The following CFAP70 variants were observed in gnomAD, a reference collection of about 807,000 sequenced individuals.
CFAP70 encodes the protein cilia- and flagella-associated protein 70.
Under a neutral mutation model 137.6 loss-of-function variants are expected in CFAP70, and 81 were observed. The observed-to-expected ratio is 0.59, with a 90% CI of 0.49 to 0.71. CFAP70 has a LOEUF of 0.71. Ranked by LOEUF, CFAP70 falls within the 30% of genes least tolerant of loss-of-function variation. The probability of loss-of-function intolerance (pLI) is 0.00; values close to 1 mark genes in which losing one functional copy is unlikely to be tolerated. For missense variants in CFAP70, 976 were observed against 1,226.7 expected (o/e 0.80, Z 3.05); for synonymous variants, 382 against 423.6 (o/e 0.90, Z 1.20).
At chr10:73,358,043 A>C (rs1217924553) in intron 1 of CFAP70, among the ~76,000 whole-genome samples, 1 of 152,238 alleles carries the variant, frequency 6.6e-6, no homozygotes, top group Non-Finnish European at 1.5e-5. Context: ...CCTTCTGTAA[A>C]ATGGATAACT....
chr10:73,283,890 A>G (rs2047448519), intron 19 of CFAP70, among the ~76,000 whole-genome samples: 1 of 152,178 alleles, frequency 6.6e-6, no homozygotes, highest in Non-Finnish European at 1.5e-5. Flanking sequence ...GTTCCTGTAC[A>G]CAACATATAG....
chr10:73,264,326 C>CT (rs767133957), intron 25 of CFAP70, among the ~76,000 whole-genome samples: 3 of 152,176 alleles, frequency 2.0e-5, no homozygotes, highest in Non-Finnish European at 2.9e-5. Context: ...CTTATGCCCC[C>CT]TGCCACCACT....
intron 19 of CFAP70, among the ~76,000 whole-genome samples, chr10:73,289,861 C>T (rs548047273): frequency 1.3e-5 from 2 of 152,006 alleles, no homozygotes; most frequent in South Asian, 4.2e-4. Flanking sequence ...GCCTGGGCAA[C>T]ATGGTGAAAC....
At chr10:73,304,343 T>C (rs1245855860) in intron 12 of CFAP70, among the ~76,000 whole-genome samples, 2 of 152,204 alleles carry the variant, frequency 1.3e-5, no homozygotes, top group Non-Finnish European at 2.9e-5. Context: ...CGTGAGCCAC[T>C]GCACCCGGCC....
chr10:73,289,506 G>A (rs1024191171), intron 19 of CFAP70, among the ~76,000 whole-genome samples: 2 of 151,696 alleles, frequency 1.3e-5, no homozygotes, highest in Non-Finnish European at 1.5e-5. Context: ...GGATGGTCTC[G>A]ATCTCCTGAC....
chr10:73,274,565 A>C, exon 23 of CFAP70: 1 of 1,614,100 alleles, frequency 6.2e-7, no homozygotes, highest in Non-Finnish European at 8.5e-7. Context: ...GAAAATAGAG[A>C]TGGCCCTTCA....
chr10:73,311,684 A>G, intron 11 of CFAP70, 150 bp downstream of exon 12: 1 of 700,696 alleles, frequency 1.4e-6, no homozygotes, highest in Non-Finnish European at 2.5e-6. Context: ...AACAAGACAA[A>G]GAAATTTGCC....
intron 8 of CFAP70, among the ~76,000 whole-genome samples, chr10:73,328,178 A>G (rs990031018): frequency 2.6e-5 from 4 of 152,184 alleles, no homozygotes; most frequent in African/African-American, 9.7e-5. Flanking sequence ...CCTGAGAAAT[A>G]ACACCGCATA....
At position 73,291,875 on chromosome 10, in the gene CFAP70, C is replaced by G; in HGVS notation, c.1904+6G>C. On this transcript the variant is annotated splice_donor_region_variant and intron_variant, in intron 17 of 26. Transcript: ENST00000310715. ...CACTGATTCCTCATCTCCCTTCCACCTATACCTGTGGATATGACTCTGGTT... is the reference window on the plus strand; with the variant it reads ...CACTGATTCCTCATCTCCCTTCCACGTATACCTGTGGATATGACTCTGGTT... 6.2e-7 allele frequency: 1 copy of G among 1,614,132 alleles called. No individual in the cohort carries two copies. Among genetic ancestry groups the G allele is most frequent in the Non-Finnish European group, 8.5e-7 (1 of 1,180,004 alleles).
At chr10:73,356,451 G>C (rs2054688286) in intron 1 of CFAP70, among the ~76,000 whole-genome samples, 1 of 152,086 alleles carries the variant, frequency 6.6e-6, no homozygotes, top group African/African-American at 2.4e-5. Flanking sequence ...ACTCACCTCA[G>C]CCTCCCAAAG....
upstream of CFAP70, among the ~76,000 whole-genome samples, chr10:73,361,404 C>T (rs945462868): frequency 6.6e-6 from 1 of 151,466 alleles, no homozygotes. Context: ...GTGACCCTCC[C>T]ACCTCAGCCT....
chr10:73,327,323 T>C lies in CFAP70; in HGVS notation c.777+3854A>G, dbSNP rs1469396664. On this transcript the variant is annotated intron_variant, in intron 8 of 26. Coordinates refer to ENST00000310715, the Ensembl canonical transcript of CFAP70. ...TAAAAACTCTCAATAAATTAGGTAT[T>C]GATGGGACGTATCTCAAAATAATAA... Among the ~76,000 whole-genome samples, 2 of 149,916 alleles carry C rather than the reference T, an allele frequency of 1.3e-5. 1 individual carries two copies. The highest frequency in any genetic ancestry group is 4.0e-4 in the East Asian group (2 of 4,950).
chr10:73,318,772 G>A (rs1327774587), intron 9 of CFAP70, among the ~76,000 whole-genome samples: 1 of 152,178 alleles, frequency 6.6e-6, no homozygotes, highest in African/African-American at 2.4e-5. Context: ...GATTCAACAA[G>A]AGTATCTTCA....
chr10:73,298,989 T>G lies in CFAP70; in HGVS notation c.1430A>C (p.Glu477Ala), dbSNP rs1029114493. 9.3e-6 allele frequency: 15 copies of G among 1,614,024 alleles called. No individual in the cohort carries two copies. The African/African-American group carries it at 2.0e-4, about 22-fold the overall frequency. Residue 477 changes from glutamate (E) to alanine (A), a missense_variant, in exon 14 of 27, where the codon GAA becomes GCA. Physicochemically the swap from Glu to Ala is moderately radical, Grantham distance 107. Transcript: ENST00000310715. Reference sequence around the variant, plus strand: ...CTGGCACTTCTGCTCCTCCAAGGTTTCACTATCCATATCACTCTCCAGTTT... The same window carrying G: ...CTGGCACTTCTGCTCCTCCAAGGTTGCACTATCCATATCACTCTCCAGTTT...
intron 12 of CFAP70, 49 bp downstream of exon 13, chr10:73,310,108 TA>T (rs1426224546): frequency 2.4e-6 from 3 of 1,256,844 alleles, no homozygotes; most frequent in Non-Finnish European, 2.3e-6. Flanking sequence ...GACTTCCTCT[TA>T]TTTATACCCA....
At chr10:73,289,263 T>G (rs1205531071) in intron 19 of CFAP70, among the ~76,000 whole-genome samples, 1 of 151,988 alleles carries the variant, frequency 6.6e-6, no homozygotes, top group Non-Finnish European at 1.5e-5. Context: ...GAAGCATAAA[T>G]CAATAATTAA....
At chr10:73,276,495 G>A (rs551966392) in intron 21 of CFAP70, 3 of 152,336 alleles carry the variant, frequency 2.0e-5, no homozygotes, top group South Asian at 4.1e-4. Flanking sequence ...TGTGGAAGAA[G>A]AGAGTCTGTT....
intron 1 of CFAP70, among the ~76,000 whole-genome samples, chr10:73,356,091 G>A (rs182204677): frequency 2.7e-3 from 407 of 152,152 alleles, no homozygotes; most frequent in African/African-American, 8.7e-3. Context: ...AGGTCTTAAT[G>A]TATTTCTTAT....
At chr10:73,315,216 C>CAAAA (rs58468801) in intron 9 of CFAP70, among the ~76,000 whole-genome samples, 3 of 64,032 alleles carry the variant, frequency 4.7e-5, no homozygotes, top group African/African-American at 8.7e-5. Context: ...GACCCCATCT[C>CAAAA]AAAAAAAAAA....
Sources: allele counts gnomAD v4.1 joint callset (sites outside exome capture counted in the v4.1 genomes callset), GRCh38; gene constraint gnomAD v4.1.1; transcripts MANE v1.5; gene names NCBI Gene and HGNC (gene_info 2026-07-23, HGNC 2026-07-21).